LRRTM4: variants seen among roughly 807,000 people sequenced by gnomAD.
LRRTM4 encodes the protein leucine-rich repeat transmembrane neuronal protein 4.
Under a neutral mutation model 47.6 loss-of-function variants are expected in LRRTM4, and 25 were observed. That is an observed-to-expected ratio of 0.53 (90% CI 0.38 to 0.73). The LOEUF (loss-of-function observed/expected upper bound fraction) is 0.73, where lower values mean the gene tolerates loss of function less well. LRRTM4 is among the 30% of genes least tolerant of loss of function. LRRTM4 has a pLI of 0.00. For missense variants in LRRTM4, 638 were observed against 713.4 expected, an observed-to-expected ratio of 0.89 and a Z score of 1.20; for synonymous variants, 311 against 269.5, an observed-to-expected ratio of 1.15 and a Z score of -1.51.
chr2:76,804,724 G>C lies in LRRTM4; in HGVS notation c.1552-55808C>G, dbSNP rs1004594382. ...TACATTGATGTATATATAAAACAAT[G>C]ATATATCATGTTTTATATATATATC... On this transcript the variant is annotated intron_variant, in intron 3 of 3. Coordinates refer to ENST00000409884, the MANE Select transcript of LRRTM4 (RefSeq NM_001134745.3). Among the ~76,000 whole-genome samples the C allele has an allele frequency of 2.1e-5, 3 of 145,288 alleles. No individual in the cohort carries two copies. In the East Asian group the frequency reaches 6.0e-4, roughly 29 times the overall value.
intron 3 of LRRTM4, among the ~76,000 whole-genome samples, chr2:77,020,712 T>A (rs557015093): frequency 6.6e-6 from 1 of 152,206 alleles, no homozygotes; most frequent in East Asian, 1.9e-4. Flanking sequence ...GAAGGTCAAG[T>A]AGATACTCTG....
At chr2:77,005,641 C>T (rs1052672608) in intron 3 of LRRTM4, among the ~76,000 whole-genome samples, 4 of 152,190 alleles carry the variant, frequency 2.6e-5, no homozygotes, top group African/African-American at 7.2e-5. Context: ...GAATCTGTCT[C>T]ATAAGAGCTG....
chr2:76,994,038 T>C (rs1408186831), intron 3 of LRRTM4, among the ~76,000 whole-genome samples: 4 of 151,918 alleles, frequency 2.6e-5, no homozygotes, highest in African/African-American at 7.2e-5. Flanking sequence ...TTATCACTTA[T>C]AAGTGGCAGC....
chr2:77,490,928 A>C (rs1421570100), intron 3 of LRRTM4, among the ~76,000 whole-genome samples: 2 of 152,156 alleles, frequency 1.3e-5, no homozygotes, highest in Non-Finnish European at 2.9e-5. Context: ...GTTGAAAAGG[A>C]TCAGTGCAAC....
Position 77,206,632 on chromosome 2 carries a change from C to T in LRRTM4, c.1551+311686G>A, listed in dbSNP as rs1360144571. 4.6e-5 allele frequency among the ~76,000 whole-genome samples: 7 copies of T among 151,874 alleles called. No homozygotes were observed. In the South Asian group the frequency reaches 6.2e-4, roughly 14 times the overall value. ...CCCGAGTAGCTGGGACTGCAGAGCA[C>T]GCGACCATGCCCAGCTAATTTTTGC... On this transcript the variant is annotated intron_variant, in intron 3 of 3. Coordinates refer to ENST00000409884, the MANE Select transcript of LRRTM4 (RefSeq NM_001134745.3).
intron 3 of LRRTM4, among the ~76,000 whole-genome samples, chr2:77,230,725 T>A (rs534987157): frequency 7.9e-5 from 12 of 152,304 alleles, no homozygotes; most frequent in African/African-American, 2.6e-4. Flanking sequence ...GAGTAAGTCC[T>A]CAGTTATTGT....
chr2:77,091,513 C>T (rs1228709343), intron 3 of LRRTM4, among the ~76,000 whole-genome samples: 1 of 151,116 alleles, frequency 6.6e-6, no homozygotes, highest in South Asian at 2.1e-4. Flanking sequence ...TCAGGATCTG[C>T]GCCTTATCAA....
chr2:77,215,075 C>CA (rs1422312611), intron 3 of LRRTM4, among the ~76,000 whole-genome samples: 2 of 152,112 alleles, frequency 1.3e-5, no homozygotes, highest in Non-Finnish European at 2.9e-5. Flanking sequence ...TTACTGTAGT[C>CA]AATTTTTGAT....
chr2:77,287,067 C>A (rs755233166), intron 3 of LRRTM4, among the ~76,000 whole-genome samples: 1 of 151,988 alleles, frequency 6.6e-6, no homozygotes, highest in South Asian at 2.1e-4. Context: ...AATAATGATA[C>A]GTTCGAGGCC....
intron 3 of LRRTM4, among the ~76,000 whole-genome samples, chr2:76,782,605 T>C (rs1268286042): frequency 6.6e-6 from 1 of 152,246 alleles, no homozygotes; most frequent in Non-Finnish European, 1.5e-5. Context: ...TTTACATTTT[T>C]TAAACTGCAA....
At chr2:77,152,606 G>C (rs1044272814) in intron 3 of LRRTM4, among the ~76,000 whole-genome samples, 4 of 152,108 alleles carry the variant, frequency 2.6e-5, no homozygotes, top group African/African-American at 7.2e-5. Flanking sequence ...GGGATTACAG[G>C]TGTGAGCTAC....
chr2:77,421,220 G>C (rs1387902332), intron 3 of LRRTM4, among the ~76,000 whole-genome samples: 4 of 152,138 alleles, frequency 2.6e-5, no homozygotes, highest in Non-Finnish European at 1.5e-5. Context: ...AGGAAAGCTT[G>C]AGAACTAACT....
chr2:76,791,321 T>G (rs1488224261), intron 3 of LRRTM4, among the ~76,000 whole-genome samples: 1 of 152,212 alleles, frequency 6.6e-6, no homozygotes, highest in Non-Finnish European at 1.5e-5. Flanking sequence ...ATCATTTATC[T>G]GAAGACACTT....
chr2:77,318,462 C>G (rs1222606367), intron 3 of LRRTM4, among the ~76,000 whole-genome samples: 1 of 152,160 alleles, frequency 6.6e-6, no homozygotes, highest in Non-Finnish European at 1.5e-5. Flanking sequence ...AAAGCAAACT[C>G]AGACCCAAAA....
chr2:77,021,017 A>G (rs960850337), intron 3 of LRRTM4, among the ~76,000 whole-genome samples: 2 of 152,150 alleles, frequency 1.3e-5, no homozygotes, highest in South Asian at 2.1e-4. Context: ...ATGAAGGTAT[A>G]TAACTCAGTT....
intron 3 of LRRTM4, among the ~76,000 whole-genome samples, chr2:76,903,833 A>T (rs953263726): frequency 1.3e-5 from 2 of 152,194 alleles, no homozygotes; most frequent in African/African-American, 4.8e-5. Context: ...CATCGAGAAA[A>T]GGTGGTATGC....
intron 3 of LRRTM4, among the ~76,000 whole-genome samples, chr2:77,206,328 G>A (rs1356666660): frequency 6.6e-6 from 1 of 151,570 alleles, no homozygotes; most frequent in Non-Finnish European, 1.5e-5. Flanking sequence ...ACAAGCACAT[G>A]CCACCAAGTC....
At chr2:77,354,935 T>C (rs894317971) in intron 3 of LRRTM4, among the ~76,000 whole-genome samples, 4 of 111,502 alleles carry the variant, frequency 3.6e-5, no homozygotes, top group African/African-American at 9.4e-5. Flanking sequence ...TCAATTGGCT[T>C]ACACTGGTTT....
At chr2:77,521,552 CA>C in intron 2 of LRRTM4, 115 bp downstream of exon 2, 1 of 1,213,160 alleles carries the variant, frequency 8.2e-7, no homozygotes, top group Non-Finnish European at 1.2e-6. Flanking sequence ...CTGGCAAACT[CA>C]AAGGCTGCTG....
Sources: allele counts gnomAD v4.1 joint callset (sites outside exome capture counted in the v4.1 genomes callset), GRCh38; gene constraint gnomAD v4.1.1; transcripts MANE v1.5; gene names NCBI Gene and HGNC (gene_info 2026-07-23, HGNC 2026-07-21).